Variants in WDR27 observed in about 807,000 individuals in gnomAD.
The protein encoded by WDR27 is WD repeat-containing protein 27.
A neutral mutation model predicts 114.4 loss-of-function variants in WDR27; 100 were observed. The observed-to-expected ratio is 0.87, with a 90% CI of 0.74 to 1.03. WDR27 has a LOEUF of 1.03. Among genes scored for constraint, WDR27 ranks in the 50% least tolerant of loss-of-function variants. The pLI is 0.00. For missense variants in WDR27, 1,129 were observed against 1,092.9 expected, an observed-to-expected ratio of 1.03 and a Z score of -0.47; for synonymous variants, 449 against 423.1, an observed-to-expected ratio of 1.06 and a Z score of -0.75.
At chr6:169,611,256 T>C (rs979100387) in intron 22 of WDR27, among the ~76,000 whole-genome samples, 5 of 151,810 alleles carry the variant, frequency 3.3e-5, no homozygotes, top group Non-Finnish European at 7.4e-5. Context: ...AAAATATTTT[T>C]ATTTCCTCAG....
Position 169,634,514 on chromosome 6 carries a change from T to G in WDR27, c.2015A>C (p.Lys672Thr), listed in dbSNP as rs1817199162. Residue 672 changes from lysine (K) to threonine (T), a missense_variant, in exon 20 of 26, where the codon AAG becomes ACG. Coordinates refer to ENST00000448612, the MANE Select transcript of WDR27 (RefSeq NM_182552.5). ...CKDEIKRYKQ[K>T]SKSKLICRLS... ...CCTGCAAATCAGCTTGGACTTGCTC[T>G]TCTGTTTATATCTGGAAGAGAAAAT... is the stretch of plus-strand genomic sequence containing the variant. 6.2e-7 allele frequency: 1 copy of G among 1,610,496 alleles called. No individual in the cohort carries two copies. The highest frequency in any genetic ancestry group is 2.2e-5 in the East Asian group (1 of 44,824).
chr6:169,582,172 G>A (rs144079257), intron 24 of WDR27, among the ~76,000 whole-genome samples: 7 of 152,110 alleles, frequency 4.6e-5, no homozygotes, highest in African/African-American at 1.2e-4. Context: ...ATGGCGTTTC[G>A]CCATGTTGGC....
downstream of WDR27, among the ~76,000 whole-genome samples, chr6:169,452,462 A>G (rs536827585): frequency 3.9e-5 from 6 of 152,340 alleles, no homozygotes; most frequent in East Asian, 9.7e-4. Context: ...GGCTGCAGTG[A>G]GAGCAGCCGA....
At chr6:169,627,075 G>A (rs75493039) in intron 21 of WDR27, among the ~76,000 whole-genome samples, 1,671 of 152,298 alleles carry the variant, frequency 0.011, 23 homozygotes, top group African/African-American at 0.038. Context: ...CTCCAGCGCC[G>A]CTGTAATTTG....
intron 21 of WDR27, among the ~76,000 whole-genome samples, chr6:169,623,575 C>T (rs1813878275): frequency 6.6e-6 from 1 of 152,212 alleles, no homozygotes; most frequent in South Asian, 2.1e-4. Flanking sequence ...CCTGCGTACC[C>T]ACTCACATGC....
At chr6:169,618,749 C>A (rs1584629434) in intron 21 of WDR27, among the ~76,000 whole-genome samples, 1 of 151,534 alleles carries the variant, frequency 6.6e-6, no homozygotes, top group Non-Finnish European at 1.5e-5. Context: ...AGCATTTGGG[C>A]CAATGATAAT....
At chr6:169,676,643 T>C (rs1780137004) in intron 2 of WDR27, among the ~76,000 whole-genome samples, 3 of 152,194 alleles carry the variant, frequency 2.0e-5, no homozygotes. Context: ...CTTATGTATA[T>C]TGGGGACCTT....
intron 25 of WDR27, among the ~76,000 whole-genome samples, chr6:169,482,625 T>C (rs1329038679): frequency 2.6e-5 from 4 of 152,266 alleles, no homozygotes; most frequent in African/African-American, 7.2e-5. Context: ...AGACAGGTCA[T>C]CAAGGCAGAA....
chr6:169,562,008 A>G lies in WDR27; in HGVS notation c.2645+10411T>C, dbSNP rs1365176774. On this transcript the variant is annotated intron_variant, in intron 25 of 25. Coordinates refer to ENST00000448612, the MANE Select transcript of WDR27 (RefSeq NM_182552.5). The stretch of plus-strand genomic sequence containing the variant: ...ACAATGAAGGTGTCTACTCATTAAG[A>G]GGACATAATAACCCAAACCTAATAA... Among the ~76,000 whole-genome samples, 5 of 152,354 alleles carry G rather than the reference A, an allele frequency of 3.3e-5. No homozygotes were observed. The East Asian group carries it at 7.7e-4, about 23-fold the overall frequency.
chr6:169,435,329 T>C, the WDR27 span, among the ~76,000 whole-genome samples: 2 of 152,132 alleles, frequency 1.3e-5, no homozygotes, highest in African/African-American at 4.8e-5. Flanking sequence ...CATTGCCTAG[T>C]GGAGCTGTGA....
chr6:169,484,275 C>T (rs1184096348), intron 25 of WDR27, among the ~76,000 whole-genome samples: 1 of 152,126 alleles, frequency 6.6e-6, no homozygotes, highest in Non-Finnish European at 1.5e-5. Flanking sequence ...TCTACAAAAC[C>T]CTATCGTCTC....
chr6:169,521,483 G>T (rs146081241), intron 25 of WDR27, among the ~76,000 whole-genome samples: 151 of 152,224 alleles, frequency 9.9e-4, no homozygotes, highest in African/African-American at 3.6e-3. Flanking sequence ...ATACAATTTA[G>T]TGCATTAGAC....
chr6:169,648,414 G>T (rs1402422822), intron 15 of WDR27, among the ~76,000 whole-genome samples: 1 of 152,148 alleles, frequency 6.6e-6, no homozygotes, highest in African/African-American at 2.4e-5. Flanking sequence ...TGGACAGTGG[G>T]GCCCTCACAG....
At chr6:169,552,585 T>A (rs1798299688) in intron 25 of WDR27, among the ~76,000 whole-genome samples, 1 of 152,224 alleles carries the variant, frequency 6.6e-6, no homozygotes, top group African/African-American at 2.4e-5. Context: ...TTCAAGGTCA[T>A]ATAGCCAGAA....
At chr6:169,630,327 C>A (rs759160844) in intron 21 of WDR27, among the ~76,000 whole-genome samples, 3 of 152,108 alleles carry the variant, frequency 2.0e-5, no homozygotes, top group Non-Finnish European at 4.4e-5. Flanking sequence ...GAATCGAATC[C>A]TTTGCTTTCT....
At position 169,582,921 on chromosome 6, in the gene WDR27, T is replaced by C. The variant is rs1271488866; in HGVS notation, c.2438A>G (p.Glu813Gly). The C allele has an allele frequency of 1.2e-6, 2 of 1,613,750 alleles. No homozygotes were observed. Among genetic ancestry groups the C allele is most frequent in the Non-Finnish European group, 1.7e-6 (2 of 1,179,880 alleles). Reference protein sequence around the residue: ...GAEDRHAYVYEMGSSTFSHRL... With the variant: ...GAEDRHAYVYGMGSSTFSHRL... ...GTGAGAAAACGTGCTTGAGCCCATT[T>C]CATACACGTAAGCCTACAAGACAAG... Residue 813 changes from glutamate to glycine, a missense_variant, in exon 24 of 26, where the codon GAA becomes GGA. Physicochemically the swap from Glu to Gly is moderately conservative, Grantham distance 98. Transcript: ENST00000448612.
chr6:169,474,531 A>G (rs1036239763), intron 25 of WDR27, among the ~76,000 whole-genome samples: 1 of 152,222 alleles, frequency 6.6e-6, no homozygotes, highest in Non-Finnish European at 1.5e-5. Context: ...CTGCTAAGAA[A>G]TAGCTGAAGA....
At chr6:169,529,971 T>C (rs1795395502) in intron 25 of WDR27, among the ~76,000 whole-genome samples, 1 of 152,228 alleles carries the variant, frequency 6.6e-6, no homozygotes, top group Non-Finnish European at 1.5e-5. Flanking sequence ...TGCTGCAACC[T>C]ATTTAAAGAT....
intron 25 of WDR27, among the ~76,000 whole-genome samples, chr6:169,535,416 T>C (rs1245734277): frequency 6.6e-6 from 1 of 152,200 alleles, no homozygotes; most frequent in Non-Finnish European, 1.5e-5. Context: ...CAAAAGGTAT[T>C]GGAGCCACAC....
Sources: allele counts gnomAD v4.1 joint callset (sites outside exome capture counted in the v4.1 genomes callset), GRCh38; gene constraint gnomAD v4.1.1; transcripts MANE v1.5; gene names NCBI Gene and HGNC (gene_info 2026-07-23, HGNC 2026-07-21).